Variants in NUMB observed in about 807,000 individuals in gnomAD.
NUMB encodes the protein protein numb homolog.
A neutral mutation model predicts 59.7 loss-of-function variants in NUMB; 29 were observed. The observed-to-expected ratio is 0.49, with a 90% CI of 0.36 to 0.66. The LOEUF (loss-of-function observed/expected upper bound fraction) is 0.66. Ranked by LOEUF, NUMB falls within the 30% of genes least tolerant of loss-of-function variation. The pLI is 0.00. For synonymous variants in NUMB, 288 were observed against 288.2 expected, an observed-to-expected ratio of 1.00 and a Z score of 0.01; for missense variants, 723 against 822.0, an observed-to-expected ratio of 0.88 and a Z score of 1.47.
chr14:73,436,673 T>A (rs1898066002), intron 1 of NUMB, among the ~76,000 whole-genome samples: 2 of 151,980 alleles, frequency 1.3e-5, no homozygotes, highest in Non-Finnish European at 2.9e-5. Flanking sequence ...AGGGTTTTAT[T>A]AAATGACACT....
intron 1 of NUMB, among the ~76,000 whole-genome samples, chr14:73,417,654 T>C (rs1423433995): frequency 2.0e-5 from 3 of 152,132 alleles, no homozygotes; most frequent in African/African-American, 7.2e-5. Flanking sequence ...ATAGAATCAC[T>C]ATATATTCTA....
Position 73,344,742 on chromosome 14 carries a change from A to C in NUMB, c.126+10884T>G, listed in dbSNP as rs559818721. Reference sequence around the variant, plus strand: ...TCCTACATTCAGCCCCTTAATCTCTATCTCTCCAAATCTGAAGAATGACCT... The same window carrying C: ...TCCTACATTCAGCCCCTTAATCTCTCTCTCTCCAAATCTGAAGAATGACCT... On this transcript the variant is annotated intron_variant, in intron 4 of 12. Coordinates refer to ENST00000555238, the MANE Select transcript of NUMB (RefSeq NM_001005743.2). Among the ~76,000 whole-genome samples, 155 of 152,270 alleles carry C rather than the reference A, an allele frequency of 1.0e-3. 1 individual carries two copies. The highest frequency in any genetic ancestry group is 2.7e-3 in the Admixed American group (42 of 15,290).
chr14:73,352,594 G>A (rs1454546681), intron 4 of NUMB, among the ~76,000 whole-genome samples: 2 of 135,600 alleles, frequency 1.5e-5, no homozygotes, highest in African/African-American at 5.4e-5. Context: ...GAGTGCAGTG[G>A]CACAATCTCG....
intron 9 of NUMB, chr14:73,285,440 A>G (rs1283880991): frequency 6.6e-6 from 1 of 152,218 alleles, no homozygotes; most frequent in Non-Finnish European, 1.5e-5. Flanking sequence ...ACAGTAATAC[A>G]GGTTAAATTT....
chr14:73,347,685 C>A (rs1015389016), intron 4 of NUMB, among the ~76,000 whole-genome samples: 1 of 152,174 alleles, frequency 6.6e-6, no homozygotes, highest in South Asian at 2.1e-4. Flanking sequence ...TATGTTGAAA[C>A]TTTGGTTTCT....
At chr14:73,411,227 G>T (rs566517463) in intron 1 of NUMB, among the ~76,000 whole-genome samples, 4 of 141,776 alleles carry the variant, frequency 2.8e-5, no homozygotes, top group South Asian at 5.3e-4. Context: ...GGGTGGGGGT[G>T]GGGGTGGGTA....
intron 2 of NUMB, among the ~76,000 whole-genome samples, chr14:73,375,830 C>T (rs557747368): frequency 1.3e-5 from 2 of 152,236 alleles, no homozygotes; most frequent in South Asian, 4.1e-4. Flanking sequence ...TCCATAAATG[C>T]AGAAAAAGCA....
intron 2 of NUMB, among the ~76,000 whole-genome samples, chr14:73,375,787 A>T (rs117595891): frequency 2.1e-3 from 316 of 152,370 alleles, no homozygotes; most frequent in Non-Finnish European, 3.2e-3. Flanking sequence ...CCATCATATT[A>T]ACAGGCTAAA....
At position 73,276,672 on chromosome 14, in the gene NUMB, GC is replaced by G. The variant is rs759982467; in HGVS notation, c.1861del (p.Ala621LeufsTer3). 1.2e-6 allele frequency: 2 copies of G among 1,614,222 alleles called. No individual in the cohort carries two copies. Among genetic ancestry groups the G allele is most frequent in the African/African-American group, 2.7e-5 (2 of 75,050 alleles). On this transcript the variant is annotated frameshift_variant, in exon 13 of 13. Coordinates refer to ENST00000555238, the MANE Select transcript of NUMB (RefSeq NM_001005743.2). LOFTEE classifies it high-confidence loss of function. ...CTGCTTGGACTTATTTTCTAATGCA[GC>G]CCACTGGGCTTCAAAAGGATCCACT... The part of the protein sequence containing the change: ...CPVDPFEAQW[A>X]ALENKSKQRT...
chr14:73,376,631 C>CTATAA (rs1894962328), intron 2 of NUMB, among the ~76,000 whole-genome samples: 1 of 151,940 alleles, frequency 6.6e-6, no homozygotes, highest in African/African-American at 2.4e-5. Context: ...AACTGACTTA[C>CTATAA]TATAAAGCCA....
At chr14:73,285,498 A>G (rs901458431) in intron 9 of NUMB, 2 of 152,214 alleles carry the variant, frequency 1.3e-5, no homozygotes, top group Non-Finnish European at 2.9e-5. Context: ...TCCTGGTGCA[A>G]ATATTTACAA....
intron 6 of NUMB, among the ~76,000 whole-genome samples, chr14:73,311,143 C>T (rs1347466385): frequency 1.3e-5 from 2 of 152,258 alleles, no homozygotes; most frequent in East Asian, 1.9e-4. Flanking sequence ...CCTCTGCCTA[C>T]CCCCGGTGTT....
At chr14:73,337,960 G>C (rs1335506681) in intron 4 of NUMB, among the ~76,000 whole-genome samples, 1 of 152,064 alleles carries the variant, frequency 6.6e-6, no homozygotes, top group Non-Finnish European at 1.5e-5. Flanking sequence ...TAATATATGG[G>C]AACTCCACCC....
At chr14:73,417,617 A>G (rs1897185635) in intron 1 of NUMB, among the ~76,000 whole-genome samples, 1 of 152,196 alleles carries the variant, frequency 6.6e-6, no homozygotes, top group Non-Finnish European at 1.5e-5. Flanking sequence ...AAATCAGTAA[A>G]GCATATGGTG....
chr14:73,400,060 C>A (rs11622764), intron 2 of NUMB, among the ~76,000 whole-genome samples: 2 of 149,362 alleles, frequency 1.3e-5, no homozygotes, highest in African/African-American at 4.9e-5. Context: ...CAAAAAAAAA[C>A]AAAAAAGTAA....
At chr14:73,428,280 C>G (rs1044501553) in intron 1 of NUMB, among the ~76,000 whole-genome samples, 1 of 152,128 alleles carries the variant, frequency 6.6e-6, no homozygotes, top group Admixed American at 6.5e-5. Context: ...GCTAACCTAC[C>G]TACCTAGGCT....
At chr14:73,414,921 C>T (rs1458182573) in intron 1 of NUMB, among the ~76,000 whole-genome samples, 8 of 152,102 alleles carry the variant, frequency 5.3e-5, no homozygotes, top group Admixed American at 3.3e-4. Context: ...AGGGTTTCAC[C>T]GTGTTAGACA....
chr14:73,433,750 T>G (rs544565671), intron 1 of NUMB, among the ~76,000 whole-genome samples: 2 of 151,912 alleles, frequency 1.3e-5, no homozygotes. Context: ...GACAGGAGTA[T>G]AGGTAGTAAA....
chr14:73,343,208 T>C (rs2139982454), intron 4 of NUMB, among the ~76,000 whole-genome samples: 1 of 152,094 alleles, frequency 6.6e-6, no homozygotes, highest in South Asian at 2.1e-4. Flanking sequence ...ATGAGGTAGG[T>C]AAGTGACAAG....
Sources: gnomAD v4.1 joint callset for allele counts (sites outside exome capture counted in the v4.1 genomes callset) on GRCh38, gnomAD v4.1.1 for gene constraint, MANE v1.5 for transcripts, NCBI Gene and HGNC (gene_info 2026-07-23, HGNC 2026-07-21) for gene names.